Variants in KIRREL3 observed in about 807,000 individuals in gnomAD.
KIRREL3 encodes kirre like nephrin family adhesion molecule 3.
A neutral mutation model predicts 89.7 loss-of-function variants in KIRREL3; 36 were observed. The ratio of observed to expected loss-of-function variants is 0.40; its 90% CI spans 0.31 to 0.53. The LOEUF is 0.53. KIRREL3 is among the 20% of genes least tolerant of loss of function. The pLI, the probability that KIRREL3 is intolerant of heterozygous loss-of-function variation, is 0.49. For missense variants in KIRREL3, 864 were observed against 1,056.6 expected, an observed-to-expected ratio of 0.82 and a Z score of 2.53; for synonymous variants, 445 against 441.4, an observed-to-expected ratio of 1.01 and a Z score of -0.10.
At chr11:126,775,573 G>A (rs1341540814) in intron 1 of KIRREL3, among the ~76,000 whole-genome samples, 2 of 152,100 alleles carry the variant, frequency 1.3e-5, no homozygotes, top group Non-Finnish European at 2.9e-5. Context: ...GAACAGCCCA[G>A]TTCAGGGCCT....
intron 1 of KIRREL3, among the ~76,000 whole-genome samples, chr11:126,657,237 CAAATAAATAATTAAAT>C (rs1211777478): frequency 9.9e-4 from 81 of 81,530 alleles, no homozygotes; most frequent in African/African-American, 4.0e-3. Flanking sequence ...ATGAGAATTC[CAAATAAATAATTAAAT>C]AAATAAATAA....
chr11:126,596,983 T>C (rs1942428645), intron 1 of KIRREL3, among the ~76,000 whole-genome samples: 2 of 152,236 alleles, frequency 1.3e-5, no homozygotes, highest in African/African-American at 4.8e-5. Context: ...ATATGGGCTC[T>C]AGTCTCTTTA....
chr11:126,464,364 A>AG (rs1565476401), intron 5 of KIRREL3, among the ~76,000 whole-genome samples: 1 of 134,882 alleles, frequency 7.4e-6, no homozygotes, highest in Non-Finnish European at 1.6e-5. Context: ...AAAAAAAAAG[A>AG]AAAAAATTAA....
At position 126,830,167 on chromosome 11, in the gene KIRREL3, AT is replaced by A. The variant is rs1354797937; in HGVS notation, c.55+170287del. 5.3e-5 allele frequency among the ~76,000 whole-genome samples: 8 copies of A among 152,336 alleles called. No homozygotes were observed. The highest frequency in any genetic ancestry group is 1.7e-4 in the African/African-American group (7 of 41,582). On this transcript the variant is annotated intron_variant, in intron 1 of 16. Coordinates refer to ENST00000525144, the MANE Select transcript of KIRREL3 (RefSeq NM_032531.4). The surrounding 1 kb of genome is among the most constrained non-coding windows in gnomAD (Gnocchi z 4.9). ...TGGCTTACCTGGAAGTTGTTCATGA[AT>A]GAACAACCCTTGCTAATCACTCTGG... is the stretch of plus-strand genomic sequence containing the variant.
intron 1 of KIRREL3, among the ~76,000 whole-genome samples, chr11:126,584,239 A>G (rs771516619): frequency 1.3e-5 from 2 of 152,160 alleles, no homozygotes; most frequent in Non-Finnish European, 2.9e-5. Flanking sequence ...CACAGTCTGC[A>G]GGCAGTGTGG....
chr11:126,473,243 T>G, intron 5 of KIRREL3, 66 bp downstream of exon 5: 2 of 275,068 alleles, frequency 7.3e-6, no homozygotes, highest in Non-Finnish European at 1.0e-5. Flanking sequence ...CCTGTCCACC[T>G]AGCCCCCTCC....
At chr11:126,958,832 C>T (rs557190322) in intron 1 of KIRREL3, among the ~76,000 whole-genome samples, 1 of 152,194 alleles carries the variant, frequency 6.6e-6, no homozygotes, top group African/African-American at 2.4e-5. Flanking sequence ...CTAAGTGCCC[C>T]TTGTGATGGT....
chr11:126,458,220 C>G (rs1031924306), intron 6 of KIRREL3, among the ~76,000 whole-genome samples: 1 of 152,194 alleles, frequency 6.6e-6, no homozygotes. Flanking sequence ...TGGAAAGTCA[C>G]GAGGACTTCT....
At chr11:126,702,825 C>T (rs1488915251) in intron 1 of KIRREL3, among the ~76,000 whole-genome samples, 1 of 152,098 alleles carries the variant, frequency 6.6e-6, no homozygotes, top group East Asian at 1.9e-4. Flanking sequence ...GCCTGTGGTC[C>T]CCTGAAGAAA....
At chr11:126,998,177 T>C (rs1230828958) in intron 1 of KIRREL3, among the ~76,000 whole-genome samples, 2 of 152,206 alleles carry the variant, frequency 1.3e-5, no homozygotes, top group Non-Finnish European at 2.9e-5. Context: ...TATGTGAGGA[T>C]GGTCAAATAG....
rs1958602542 is a variant in KIRREL3, at chr11:126,521,721, TGTGTG to T, written c.284-262_284-258del. Among the ~76,000 whole-genome samples, 1 of 83,708 alleles carries T rather than the reference TGTGTG, an allele frequency of 1.2e-5. No individual in the cohort carries two copies. The highest frequency in any genetic ancestry group is 2.6e-5 in the Non-Finnish European group (1 of 38,106). The allele number at this position is 83,708 out of a possible 152,430, so 54.9% of individuals were successfully genotyped here. Reference sequence around the variant, plus strand: ...GTGTGTGTGTGTGTGTGTGTGTGTGTGTGTGTGTGTATAAGGGCATTTGGTCTGTT... The same window carrying T: ...GTGTGTGTGTGTGTGTGTGTGTGTGTTGTGTATAAGGGCATTTGGTCTGTT... On this transcript the variant is annotated intron_variant, in intron 3 of 16. Transcript: ENST00000525144. This position sits in a 1 kb window ranked among gnomAD's most constrained non-coding sequence, Gnocchi z 4.1.
In KIRREL3 at chr11:126,455,027, G is replaced by T. The variant is rs1345316037; in HGVS notation, c.848+1322C>A. On this transcript the variant is annotated intron_variant, in intron 7 of 16. Coordinates refer to ENST00000525144, the MANE Select transcript of KIRREL3 (RefSeq NM_032531.4). This position sits in a 1 kb window ranked among gnomAD's most constrained non-coding sequence, Gnocchi z 6.4. ...CCTGTGGCCCATTTCCTTCCATTCT[G>T]CCCACGGGGGCCACACTGGCTCTTG... 6.6e-6 allele frequency among the ~76,000 whole-genome samples: 1 copy of T among 152,158 alleles called. No homozygotes were observed. Among genetic ancestry groups the T allele is most frequent in the East Asian group, 1.9e-4 (1 of 5,202 alleles).
intron 8 of KIRREL3, 68 bp downstream of exon 8, chr11:126,448,941 T>G: frequency 6.8e-7 from 1 of 1,480,616 alleles, no homozygotes. Flanking sequence ...TAGCCCTGGT[T>G]TCTCCAGCTC....
At position 126,923,165 on chromosome 11, in the gene KIRREL3, T is replaced by TTCTTCTTCTTCTTC. The variant is rs1592368578; in HGVS notation, c.55+77289_55+77290insGAAGAAGAAGAAGA. Among the ~76,000 whole-genome samples, 10 of 24,516 alleles carry TTCTTCTTCTTCTTC rather than the reference T, an allele frequency of 4.1e-4. 3 individuals are homozygous for TTCTTCTTCTTCTTC. The Admixed American group carries it at 4.6e-3, about 11-fold the overall frequency. 16.1% of individuals were successfully genotyped at this position (24,516 alleles called of 152,430 possible). On this transcript the variant is annotated intron_variant, in intron 1 of 16. Transcript: ENST00000525144. ...CTTCTTCTTCTTCTTCTTCTTCTTC[T>TTCTTCTTCTTCTTC]TCTTCTTCTTCTCTTCTTCTTCTCT...
At position 126,523,277 on chromosome 11, in the gene KIRREL3, A is replaced by G. The variant is rs1229676752; in HGVS notation, c.284-1813T>C. Reference sequence around the variant, plus strand: ...TGATTTCTACACCGGGTGAAAGATCAGACTAGAGGAGCTTGAAGGCCCCTC... The same window carrying G: ...TGATTTCTACACCGGGTGAAAGATCGGACTAGAGGAGCTTGAAGGCCCCTC... On this transcript the variant is annotated intron_variant, in intron 3 of 16. Transcript: ENST00000525144. This position sits in a 1 kb window ranked among gnomAD's most constrained non-coding sequence, Gnocchi z 4.9. Among the ~76,000 whole-genome samples the G allele has an allele frequency of 6.6e-6, 1 of 152,142 alleles. No homozygotes were observed. The highest frequency in any genetic ancestry group is 2.1e-4 in the South Asian group (1 of 4,834).
At chr11:126,529,456 T>TG (rs887072432) in intron 2 of KIRREL3, among the ~76,000 whole-genome samples, 1 of 151,996 alleles carries the variant, frequency 6.6e-6, no homozygotes, top group Non-Finnish European at 1.5e-5. Flanking sequence ...CCTGATGGGA[T>TG]GGGGCTGAGC....
chr11:126,466,393 C>T (rs1956727722), intron 5 of KIRREL3, among the ~76,000 whole-genome samples: 1 of 152,228 alleles, frequency 6.6e-6, no homozygotes, highest in Non-Finnish European at 1.5e-5. Context: ...CCCCGTGCAG[C>T]GGGTATCCCA....
chr11:126,921,955 GTATATC>G (rs1335830617), intron 1 of KIRREL3, among the ~76,000 whole-genome samples: 13 of 139,306 alleles, frequency 9.3e-5, no homozygotes, highest in African/African-American at 3.3e-4. Context: ...CCTATCATCT[GTATATC>G]TATATCTATC....
rs1555090325 is a variant in KIRREL3, at chr11:126,923,187, C to CTTCTCTTCTTCTTCTTCTACTTCT, written c.55+77267_55+77268insAGAAGTAGAAGAAGAAGAAGAGAA. ...TTCTTCTTCTTCTTCTCTTCTTCTT[C>CTTCTCTTCTTCTTCTTCTACTTCT]TCTTCTTCTTCTTCTTCTTCTTCTT... is the stretch of plus-strand genomic sequence containing the variant. On this transcript the variant is annotated intron_variant, in intron 1 of 16. Coordinates refer to ENST00000525144, the MANE Select transcript of KIRREL3 (RefSeq NM_032531.4). 5.5e-4 allele frequency among the ~76,000 whole-genome samples: 13 copies of CTTCTCTTCTTCTTCTTCTACTTCT among 23,816 alleles called. 4 individuals are homozygous for CTTCTCTTCTTCTTCTTCTACTTCT. The highest frequency in any genetic ancestry group is 1.9e-3 in the African/African-American group (8 of 4,268). 15.6% of individuals were successfully genotyped at this position (23,816 alleles called of 152,430 possible).
Sources: gnomAD v4.1 joint callset for allele counts (sites outside exome capture counted in the v4.1 genomes callset) on GRCh38, gnomAD v4.1.1 for gene constraint, Gnocchi (gnomAD v3.1) non-coding constraint, MANE v1.5 for transcripts, NCBI Gene and HGNC (gene_info 2026-07-23, HGNC 2026-07-21) for gene names.